ACOT12: variants seen among roughly 807,000 people sequenced by gnomAD.
ACOT12 encodes acyl-CoA thioesterase 12, also known as acetyl-coenzyme A thioesterase.
ACOT12 carries 51 observed loss-of-function variants against 67.7 expected under a neutral mutation model. The observed-to-expected ratio is 0.75, with a 90% CI of 0.60 to 0.95. The LOEUF is 0.95. Ranked by LOEUF, ACOT12 falls within the 40% of genes least tolerant of loss-of-function variation. ACOT12 has a pLI of 0.00. For synonymous variants in ACOT12, 251 were observed against 244.6 expected (o/e 1.03, Z -0.24); for missense variants, 734 against 708.1 (o/e 1.04, Z -0.41).
chr5:81,343,955 T>C, intron 9 of ACOT12, 74 bp from the exon 10 acceptor site: 1 of 1,385,762 alleles, frequency 7.2e-7, no homozygotes, highest in South Asian at 1.2e-5. Context: ...ACCATAATAC[T>C]TTCTTGAACT....
chr5:81,378,610 A>G (rs1305525488), intron 2 of ACOT12, among the ~76,000 whole-genome samples: 1 of 152,212 alleles, frequency 6.6e-6, no homozygotes, highest in East Asian at 1.9e-4. Context: ...TAATATCGAG[A>G]ATCTACAAAG....
chr5:81,361,306 G>A (rs1759901787), intron 4 of ACOT12, among the ~76,000 whole-genome samples: 2 of 150,678 alleles, frequency 1.3e-5, no homozygotes, highest in South Asian at 4.2e-4. Context: ...TCAAACTCTT[G>A]GGCTCAAGGG....
chr5:81,371,837 C>G, intron 2 of ACOT12, 27 bp from the exon 3 acceptor site: 1 of 1,603,214 alleles, frequency 6.2e-7, no homozygotes, highest in Non-Finnish European at 8.5e-7. Flanking sequence ...AAAAAAACCT[C>G]AGTAGTTTTA....
intron 10 of ACOT12, among the ~76,000 whole-genome samples, chr5:81,343,096 G>T (rs1022185637): frequency 1.3e-5 from 2 of 151,880 alleles, no homozygotes; most frequent in Non-Finnish European, 2.9e-5. Context: ...CAGAAGAATC[G>T]CTTGAACCCG....
At chr5:81,371,490 T>A (rs1275171479) in intron 3 of ACOT12, among the ~76,000 whole-genome samples, 1 of 152,120 alleles carries the variant, frequency 6.6e-6, no homozygotes, top group African/African-American at 2.4e-5. Flanking sequence ...TGGTCTCAAG[T>A]GATCTTCCTG....
chr5:81,332,973 G>T (rs1429552753), intron 12 of ACOT12, among the ~76,000 whole-genome samples: 1 of 151,834 alleles, frequency 6.6e-6, no homozygotes, highest in Non-Finnish European at 1.5e-5. Context: ...AGAGGTTGAG[G>T]TGGGAATATC....
chr5:81,350,484 C>A (rs1195526773), intron 5 of ACOT12, among the ~76,000 whole-genome samples: 1 of 152,180 alleles, frequency 6.6e-6, no homozygotes, highest in Non-Finnish European at 1.5e-5. Flanking sequence ...CCTGGTGTCA[C>A]TTCCAGATCT....
the ACOT12 span, among the ~76,000 whole-genome samples, chr5:81,316,563 C>T: frequency 6.6e-6 from 1 of 152,284 alleles, no homozygotes; most frequent in East Asian, 1.9e-4. Context: ...CTACTGTGAA[C>T]ATTTGTGTAT....
At chr5:81,363,365 A>G (rs1446871661) in intron 4 of ACOT12, among the ~76,000 whole-genome samples, 1 of 152,200 alleles carries the variant, frequency 6.6e-6, no homozygotes, top group African/African-American at 2.4e-5. Context: ...TCCTTCAGGT[A>G]TTAACAGTGG....
Position 81,330,424 on chromosome 5 carries a change from A to T in ACOT12, c.1638T>A (p.Pro546=), listed in dbSNP as rs1265201455. 2.5e-6 allele frequency: 4 copies of T among 1,613,494 alleles called. No homozygotes were observed. In the African/African-American group the frequency reaches 4.0e-5, roughly 16 times the overall value. Reference sequence around the variant, plus strand: ...ATGTGCTTACAAACCCATCATCAGGAGGATTCTCTAAGAACTGTATACAAG... The same window carrying T: ...ATGTGCTTACAAACCCATCATCAGGTGGATTCTCTAAGAACTGTATACAAG... ...AASCIQFLEN[P]PDDGFVSTF is the part of the protein sequence containing the mutation. Residue 546 remains proline (P), a synonymous_variant, in exon 15 of 15, where the codon CCT becomes CCA. Coordinates refer to ENST00000307624, the MANE Select transcript of ACOT12 (RefSeq NM_130767.3).
At chr5:81,339,645 T>C (rs1433476332) in intron 11 of ACOT12, among the ~76,000 whole-genome samples, 1 of 152,250 alleles carries the variant, frequency 6.6e-6, no homozygotes, top group Non-Finnish European at 1.5e-5. Flanking sequence ...AGCTGACTTT[T>C]ATGGTTTAAG....
intron 1 of ACOT12, 46 bp from the exon 2 acceptor site, chr5:81,385,872 A>G (rs774667146): frequency 1.3e-6 from 2 of 1,552,012 alleles, no homozygotes; most frequent in East Asian, 2.2e-5. Context: ...GTGATATGAG[A>G]ATATTTCAGT....
At chr5:81,387,469 T>C (rs1760759551) in intron 1 of ACOT12, among the ~76,000 whole-genome samples, 3 of 152,054 alleles carry the variant, frequency 2.0e-5, no homozygotes, top group Admixed American at 2.0e-4. Flanking sequence ...AATGGGATGT[T>C]GAGGTTATTA....
rs144173782 is a variant in ACOT12, at chr5:81,330,889, C to G, written c.1443G>C (p.Pro481=). The change falls in exon 14 of 15, where the codon CCG becomes CCC. Residue 481 remains proline, a synonymous_variant. Coordinates refer to ENST00000307624, the MANE Select transcript of ACOT12 (RefSeq NM_130767.3). ...TTTCACTTCTGATGTACTGTGGAGA[C>G]GGGGGGACCGATGGCAAAATGACCG... ...VKSVILPSVP[P]SPQYIRSEII... 6.2e-7 allele frequency: 1 copy of G among 1,612,876 alleles called. No homozygotes were observed. The highest frequency in any genetic ancestry group is 1.3e-5 in the African/African-American group (1 of 74,866).
chr5:81,359,758 C>G (rs562741355), intron 5 of ACOT12, 145 bp downstream of exon 5: 1 of 853,336 alleles, frequency 1.2e-6, no homozygotes, highest in East Asian at 3.1e-5. Flanking sequence ...GGTTTCTTCT[C>G]CAGCCACCGG....
chr5:81,346,001 G>A lies in ACOT12; in HGVS notation c.657C>T (p.Arg219=). The A allele has an allele frequency of 6.2e-7, 1 of 1,613,626 alleles. No homozygotes were observed. The highest frequency in any genetic ancestry group is 1.1e-5 in the South Asian group (1 of 90,982). ...TCAGAAAGGGATGAGCCCAACACAG[G>A]CGGCTGGGGAGACAAAGGGAGGGAG... ...METVATISAS[R]LCWAHPFLKS... is the part of the protein sequence containing the mutation. The change falls in exon 7 of 15, where the codon CGC becomes CGT. Residue 219 remains arginine (R), a synonymous_variant. Coordinates refer to ENST00000307624, the MANE Select transcript of ACOT12 (RefSeq NM_130767.3).
At chr5:81,359,851 C>G in intron 5 of ACOT12, 52 bp downstream of exon 5, 1 of 1,555,568 alleles carries the variant, frequency 6.4e-7, no homozygotes, top group Non-Finnish European at 8.7e-7. Flanking sequence ...GAAAAGACTC[C>G]TTTGCCTGTC....
chr5:81,343,328 A>G (rs1325663585), intron 10 of ACOT12, among the ~76,000 whole-genome samples: 1 of 152,216 alleles, frequency 6.6e-6, no homozygotes, highest in East Asian at 1.9e-4. Context: ...AGACAAAGTA[A>G]CTGTATACTT....
intron 2 of ACOT12, 40 bp downstream of exon 2, chr5:81,385,717 C>T: frequency 6.2e-7 from 1 of 1,603,984 alleles, no homozygotes; most frequent in Non-Finnish European, 8.5e-7. Flanking sequence ...GATGAACCCA[C>T]AAACCCAGGA....
Sources: gnomAD v4.1 joint callset for allele counts (sites outside exome capture counted in the v4.1 genomes callset) on GRCh38, gnomAD v4.1.1 for gene constraint, MANE v1.5 for transcripts, NCBI Gene and HGNC (gene_info 2026-07-23, HGNC 2026-07-21) for gene names.